The following SPAG16 variants were observed in gnomAD, a reference collection of about 807,000 sequenced individuals.
The protein encoded by SPAG16 is sperm associated antigen 16, also known as sperm-associated antigen 16 protein.
SPAG16 carries 86 observed loss-of-function variants against 80.4 expected under a neutral mutation model. The observed-to-expected ratio is 1.07, with a 90% CI of 0.90 to 1.28. SPAG16 has a LOEUF of 1.28. SPAG16 is among the 50% of genes most tolerant of loss of function. SPAG16 has a pLI of 0.00. For missense variants in SPAG16, 870 were observed against 765.3 expected (o/e 1.14, Z -1.61); for synonymous variants, 294 against 265.9 (o/e 1.11, Z -1.03).
chr2:213,715,266 A>ATCTATCTATCTATCTGTCTG (rs3076744), intron 10 of SPAG16, among the ~76,000 whole-genome samples: 78 of 151,060 alleles, frequency 5.2e-4, no homozygotes, highest in Admixed American at 9.9e-4. Flanking sequence ...CTATCTATCT[A>ATCTATCTATCTATCTGTCTG]TCCATTCATC....
intron 9 of SPAG16, among the ~76,000 whole-genome samples, chr2:213,376,032 A>G (rs1371636731): frequency 6.6e-6 from 1 of 151,090 alleles, no homozygotes; most frequent in Non-Finnish European, 1.5e-5. Context: ...CAATGTATAA[A>G]ATATTTATAC....
chr2:213,469,510 GACTACCTTCTTCA>G (rs977038654), intron 9 of SPAG16, among the ~76,000 whole-genome samples: 1 of 149,832 alleles, frequency 6.7e-6, no homozygotes, highest in Non-Finnish European at 1.5e-5. Context: ...TGGTATTGAT[GACTACCTTCTTCA>G]ACTACCCATT....
chr2:214,101,801 T>C, intron 13 of SPAG16, among the ~76,000 whole-genome samples: 1 of 152,212 alleles, frequency 6.6e-6, no homozygotes, highest in Admixed American at 6.5e-5. Context: ...CTAGCATTGC[T>C]GTGAGGATTA....
At chr2:214,045,969 A>G (rs2049297998) in intron 13 of SPAG16, among the ~76,000 whole-genome samples, 1 of 152,170 alleles carries the variant, frequency 6.6e-6, no homozygotes, top group African/African-American at 2.4e-5. Context: ...AGACTAAGTA[A>G]AAAAGAGAGA....
chr2:213,647,341 TA>T (rs1314882048), intron 10 of SPAG16, among the ~76,000 whole-genome samples: 1 of 152,216 alleles, frequency 6.6e-6, no homozygotes, highest in Non-Finnish European at 1.5e-5. Context: ...GCCATCTACC[TA>T]CTTCACAACA....
At chr2:213,990,199 A>G (rs750257913) in intron 12 of SPAG16, among the ~76,000 whole-genome samples, 27 of 152,144 alleles carry the variant, frequency 1.8e-4, no homozygotes, top group Non-Finnish European at 2.9e-4. Flanking sequence ...TAATATCCCT[A>G]GAAATGTGTT....
At chr2:213,834,802 A>G (rs750459661) in intron 10 of SPAG16, among the ~76,000 whole-genome samples, 12 of 152,186 alleles carry the variant, frequency 7.9e-5, no homozygotes, top group Non-Finnish European at 1.6e-4. Context: ...TAATGCAGAA[A>G]AAATTGTTAT....
chr2:214,209,624 A>G (rs2058235874), intron 15 of SPAG16, among the ~76,000 whole-genome samples: 1 of 152,142 alleles, frequency 6.6e-6, no homozygotes. Context: ...TCTTACCACA[A>G]TAGTAGAGGT....
intron 15 of SPAG16, among the ~76,000 whole-genome samples, chr2:214,409,523 T>TA (rs757567875): frequency 5.1e-4 from 78 of 152,092 alleles, no homozygotes; most frequent in Middle Eastern, 3.4e-3. Context: ...CCATCTTATG[T>TA]AAAAAAAATT....
chr2:213,511,716 A>T (rs1236345050), intron 10 of SPAG16, among the ~76,000 whole-genome samples: 1 of 152,024 alleles, frequency 6.6e-6, no homozygotes, highest in Non-Finnish European at 1.5e-5. Flanking sequence ...TATCAAACTT[A>T]TTCTAGTGAG....
intron 1 of SPAG16, among the ~76,000 whole-genome samples, chr2:213,294,141 A>C (rs1258166574): frequency 6.6e-6 from 1 of 151,970 alleles, no homozygotes; most frequent in Non-Finnish European, 1.5e-5. Flanking sequence ...TAGAGTTGGA[A>C]TTTTTTTTAG....
chr2:214,087,935 ATAAAT>A (rs928773893), intron 13 of SPAG16, among the ~76,000 whole-genome samples: 10 of 152,160 alleles, frequency 6.6e-5, no homozygotes, highest in Non-Finnish European at 1.5e-4. Context: ...AATTAGAAAA[ATAAAT>A]TAAAAAATAA....
At chr2:213,909,387 A>T (rs4673786) in intron 11 of SPAG16, among the ~76,000 whole-genome samples, 36,749 of 152,082 alleles carry the variant, frequency 0.24, 5,002 homozygotes, top group South Asian at 0.36. Context: ...TTTAAAGTTC[A>T]TATGGAGCCA....
chr2:213,702,492 C>T (rs2065500015), intron 10 of SPAG16, among the ~76,000 whole-genome samples: 3 of 152,322 alleles, frequency 2.0e-5, no homozygotes, highest in Admixed American at 6.5e-5. Flanking sequence ...CAAACAACTC[C>T]AGCCACACCA....
At chr2:213,433,282 G>C (rs985364672) in intron 9 of SPAG16, among the ~76,000 whole-genome samples, 1 of 152,094 alleles carries the variant, frequency 6.6e-6, no homozygotes. Context: ...GAATTAAAAG[G>C]CATCCATGTT....
At chr2:213,455,678 T>C (rs570232290) in intron 9 of SPAG16, among the ~76,000 whole-genome samples, 1 of 152,196 alleles carries the variant, frequency 6.6e-6, no homozygotes, top group Admixed American at 6.5e-5. Context: ...GCAACCTAGA[T>C]CCCTCACATG....
intron 10 of SPAG16, among the ~76,000 whole-genome samples, chr2:213,775,926 T>C (rs1252759457): frequency 2.0e-5 from 3 of 152,258 alleles, no homozygotes; most frequent in African/African-American, 7.2e-5. Context: ...AGATTGTTAG[T>C]AAACCCCTAA....
chr2:214,345,774 C>G (rs1698011723), intron 15 of SPAG16, among the ~76,000 whole-genome samples: 1 of 152,078 alleles, frequency 6.6e-6, no homozygotes, highest in South Asian at 2.1e-4. Context: ...ATTATAATAA[C>G]AGGCCACTAT....
intron 10 of SPAG16, among the ~76,000 whole-genome samples, chr2:213,613,880 T>C (rs2061514699): frequency 6.6e-6 from 1 of 152,224 alleles, no homozygotes; most frequent in Admixed American, 6.5e-5. Context: ...CACTGCTTAG[T>C]GAATATAAAC....
Sources: allele counts gnomAD v4.1 joint callset (sites outside exome capture counted in the v4.1 genomes callset), GRCh38; gene constraint gnomAD v4.1.1; transcripts MANE v1.5; gene names NCBI Gene and HGNC (gene_info 2026-07-23, HGNC 2026-07-21).